The following PJA2 variants were observed in gnomAD, a reference collection of about 807,000 sequenced individuals.
PJA2 encodes praja ring finger ubiquitin ligase 2, also known as E3 ubiquitin-protein ligase Praja-2.
In PJA2, 25 loss-of-function variants were observed where a neutral mutation model predicts 69.3. The observed-to-expected ratio is 0.36, with a 90% CI of 0.26 to 0.50. PJA2 has a LOEUF of 0.50. Among genes scored for constraint, PJA2 ranks in the 20% least tolerant of loss-of-function variants. The pLI, the probability that PJA2 is intolerant of heterozygous loss-of-function variation, is 0.96. For synonymous variants in PJA2, 308 were observed against 277.8 expected, an observed-to-expected ratio of 1.11 and a Z score of -1.08; for missense variants, 809 against 830.2, an observed-to-expected ratio of 0.97 and a Z score of 0.31.
chr5:109,407,065 T>G (rs1000898178), intron 1 of PJA2, among the ~76,000 whole-genome samples: 7 of 152,172 alleles, frequency 4.6e-5, no homozygotes, highest in Admixed American at 1.3e-4. Flanking sequence ...AAGGGAACTT[T>G]GGGGGAGATG....
intron 1 of PJA2, among the ~76,000 whole-genome samples, chr5:109,401,152 C>T (rs115683320): frequency 0.013 from 2,014 of 152,114 alleles, 19 homozygotes; most frequent in Non-Finnish European, 0.018. Flanking sequence ...GACGTAGTGG[C>T]GGGAGCCTGT....
At chr5:109,389,204 G>A (rs1747229999) in intron 1 of PJA2, among the ~76,000 whole-genome samples, 1 of 152,078 alleles carries the variant, frequency 6.6e-6, no homozygotes, top group Non-Finnish European at 1.5e-5. Context: ...TTGTTCTCTA[G>A]AAGAGTCTGT....
At chr5:109,383,863 G>A (rs967388256) in intron 1 of PJA2, among the ~76,000 whole-genome samples, 5 of 152,142 alleles carry the variant, frequency 3.3e-5, no homozygotes, top group Admixed American at 2.0e-4. Flanking sequence ...GGAGGTGGAG[G>A]CTGCAGTGAG....
intron 9 of PJA2, among the ~76,000 whole-genome samples, chr5:109,341,173 G>A (rs1271480020): frequency 5.0e-5 from 6 of 119,778 alleles, no homozygotes; most frequent in East Asian, 2.2e-4. Flanking sequence ...CCGCCCGGCC[G>A]CCATCCCATC....
At chr5:109,348,379 T>C (rs1351387384) in intron 7 of PJA2, among the ~76,000 whole-genome samples, 1 of 152,028 alleles carries the variant, frequency 6.6e-6, no homozygotes, top group African/African-American at 2.4e-5. Flanking sequence ...TGTGGATTGC[T>C]AAATGAAAAT....
intron 7 of PJA2, among the ~76,000 whole-genome samples, chr5:109,347,800 T>C (rs1488408407): frequency 6.6e-6 from 1 of 152,228 alleles, no homozygotes; most frequent in Non-Finnish European, 1.5e-5. Context: ...TCCTATATTC[T>C]TTAGAGTTTG....
rs1747049222 is a variant in PJA2, at chr5:109,381,584, T to C, written c.151A>G (p.Arg51Gly). The C allele has an allele frequency of 1.2e-6, 2 of 1,614,170 alleles. No individual in the cohort carries two copies. The highest frequency in any genetic ancestry group is 1.7e-6 in the Non-Finnish European group (2 of 1,180,022). Residue 51 changes from arginine (R) to glycine (G), a missense_variant, in exon 3 of 10, where the codon AGA (arginine) becomes GGA (glycine). Arg to Gly is a moderately radical substitution (Grantham distance 125). Coordinates refer to ENST00000361189, the MANE Select transcript of PJA2 (RefSeq NM_014819.5). ...AYVSFKPCMT[R>G]HERSLGRAGD... ...GCCCGACCTAAGCTTCTTTCATGTC[T>C]GGTCATACATGGTTTAAAACTGACA... is the stretch of plus-strand genomic sequence containing the variant.
At chr5:109,386,303 A>G (rs527752860) in intron 1 of PJA2, among the ~76,000 whole-genome samples, 1 of 152,324 alleles carries the variant, frequency 6.6e-6, no homozygotes, top group African/African-American at 2.4e-5. Context: ...AAGTTAAAGT[A>G]TGATGAAGGC....
intron 4 of PJA2, among the ~76,000 whole-genome samples, chr5:109,372,143 A>G (rs987647578): frequency 6.6e-6 from 1 of 152,236 alleles, no homozygotes; most frequent in Admixed American, 6.5e-5. Flanking sequence ...TAACATAAAT[A>G]CATAATGATT....
intron 6 of PJA2, among the ~76,000 whole-genome samples, chr5:109,359,659 A>C (rs1022766361): frequency 1.3e-5 from 2 of 152,210 alleles, no homozygotes; most frequent in African/African-American, 4.8e-5. Context: ...GGTTATGAAA[A>C]ACAAAGACTG....
Position 109,337,187 on chromosome 5 carries a change from G to A in PJA2, c.*44C>T. The A allele has an allele frequency of 6.4e-7, 1 of 1,561,210 alleles. No individual in the cohort carries two copies. The highest frequency in any genetic ancestry group is 8.7e-7 in the Non-Finnish European group (1 of 1,154,722). On this transcript the variant is annotated 3_prime_UTR_variant, in exon 10 of 10. Coordinates refer to ENST00000361189, the MANE Select transcript of PJA2 (RefSeq NM_014819.5). ...TGCACATGAAATTTAGAAGGAATTTGCAGATTTACTTTGATACACTGATCT... is the reference window on the plus strand; with the variant it reads ...TGCACATGAAATTTAGAAGGAATTTACAGATTTACTTTGATACACTGATCT...
chr5:109,351,390 A>G (rs1582588531), intron 7 of PJA2, among the ~76,000 whole-genome samples: 1 of 152,158 alleles, frequency 6.6e-6, no homozygotes, highest in South Asian at 2.1e-4. Flanking sequence ...TTCACTTCCT[A>G]CAAAACACTT....
chr5:109,389,273 G>T (rs1002090637), intron 1 of PJA2, among the ~76,000 whole-genome samples: 1 of 152,060 alleles, frequency 6.6e-6, no homozygotes, highest in Non-Finnish European at 1.5e-5. Context: ...GAAGCCATCA[G>T]GTCTAGGATT....
At chr5:109,348,034 TC>T (rs1358491427) in intron 7 of PJA2, among the ~76,000 whole-genome samples, 2 of 152,164 alleles carry the variant, frequency 1.3e-5, no homozygotes, top group African/African-American at 4.8e-5. Flanking sequence ...AGTGTTGAGC[TC>T]CTTGCCAATG....
chr5:109,342,541 C>G (rs1457841246), intron 9 of PJA2, among the ~76,000 whole-genome samples: 4 of 105,956 alleles, frequency 3.8e-5, no homozygotes, highest in Non-Finnish European at 8.1e-5. Context: ...TCAGCTCCCC[C>G]ACCCGGCCAG....
chr5:109,408,635 G>A (rs966538514), intron 1 of PJA2, among the ~76,000 whole-genome samples: 2 of 152,134 alleles, frequency 1.3e-5, no homozygotes, highest in African/African-American at 2.4e-5. Flanking sequence ...ACTGGAGTGG[G>A]ACTGGGGGAT....
intron 2 of PJA2, among the ~76,000 whole-genome samples, chr5:109,382,061 T>C (rs192274968): frequency 1.3e-5 from 2 of 152,280 alleles, no homozygotes; most frequent in Admixed American, 6.5e-5. Flanking sequence ...AAGTACCTTA[T>C]ATATTATATT....
At chr5:109,338,363 G>A (rs1054995149) in intron 9 of PJA2, among the ~76,000 whole-genome samples, 2 of 152,152 alleles carry the variant, frequency 1.3e-5, no homozygotes, top group Non-Finnish European at 2.9e-5. Context: ...TTTCAGGCCA[G>A]GCACGGTGGC....
chr5:109,384,421 TTC>T lies in PJA2; in HGVS notation c.-87-903_-87-902del, dbSNP rs1272893910. On this transcript the variant is annotated intron_variant, in intron 1 of 9. Transcript: ENST00000361189. ...ATCATGGAACAAATACAAAAAGAAC[TTC>T]TGTTTTGAAATTAATGCATTTATTT... Among the ~76,000 whole-genome samples the T allele has an allele frequency of 2.6e-4, 40 of 152,332 alleles. 1 individual carries two copies. In the East Asian group the frequency reaches 5.4e-3, roughly 21 times the overall value.
Sources: allele counts gnomAD v4.1 joint callset (sites outside exome capture counted in the v4.1 genomes callset), GRCh38; gene constraint gnomAD v4.1.1; transcripts MANE v1.5; gene names NCBI Gene and HGNC (gene_info 2026-07-23, HGNC 2026-07-21).